The following ZDHHC20 variants were observed in gnomAD, a reference collection of about 807,000 sequenced individuals.
The protein encoded by ZDHHC20 is palmitoyltransferase ZDHHC20.
ZDHHC20 carries 43 observed loss-of-function variants against 57.8 expected under a neutral mutation model. That is an observed-to-expected ratio of 0.74 (90% CI 0.58 to 0.96). ZDHHC20 has a LOEUF of 0.96. ZDHHC20 is among the 40% of genes least tolerant of loss of function. The probability of loss-of-function intolerance (pLI) is 0.00; values close to 1 mark genes in which losing one functional copy is unlikely to be tolerated. For synonymous variants in ZDHHC20, 157 were observed against 153.0 expected, an observed-to-expected ratio of 1.03 and a Z score of -0.19; for missense variants, 391 against 441.1, an observed-to-expected ratio of 0.89 and a Z score of 1.02.
At chr13:21,391,541 G>C (rs1008883216) in intron 8 of ZDHHC20, among the ~76,000 whole-genome samples, 181 bp downstream of exon 8, 1 of 151,748 alleles carries the variant, frequency 6.6e-6, no homozygotes, top group African/African-American at 2.4e-5. Flanking sequence ...TGTCCTCCAG[G>C]GCTCAGGGGA....
At chr13:21,442,071 T>C (rs1355924430) in intron 1 of ZDHHC20, among the ~76,000 whole-genome samples, 4 of 152,244 alleles carry the variant, frequency 2.6e-5, no homozygotes, top group Non-Finnish European at 5.9e-5. Flanking sequence ...TTACGTTGTT[T>C]ACGTTATGTA....
At chr13:21,434,500 A>C (rs1193068656) in intron 1 of ZDHHC20, among the ~76,000 whole-genome samples, 1 of 152,234 alleles carries the variant, frequency 6.6e-6, no homozygotes, top group Non-Finnish European at 1.5e-5. Context: ...ACAAGAAAAT[A>C]AATATTTAAT....
At chr13:21,385,714 G>A (rs1874346301) in intron 9 of ZDHHC20, among the ~76,000 whole-genome samples, 1 of 152,170 alleles carries the variant, frequency 6.6e-6, no homozygotes, top group Non-Finnish European at 1.5e-5. Flanking sequence ...AGACGTAACT[G>A]ATGAAAATTA....
At chr13:21,443,261 A>C (rs769658046) in intron 1 of ZDHHC20, among the ~76,000 whole-genome samples, 1 of 152,276 alleles carries the variant, frequency 6.6e-6, no homozygotes, top group South Asian at 2.1e-4. Context: ...TCAAGTCATA[A>C]ACACTTTTCC....
intron 8 of ZDHHC20, among the ~76,000 whole-genome samples, chr13:21,390,027 G>T (rs1414577876): frequency 2.0e-5 from 3 of 152,220 alleles, no homozygotes; most frequent in African/African-American, 7.2e-5. Flanking sequence ...ATGAAAGCAT[G>T]ATGGAACTGG....
chr13:21,413,798 A>AT, intron 3 of ZDHHC20, 26 bp from the exon 4 acceptor site: 4 of 1,580,288 alleles, frequency 2.5e-6, no homozygotes, highest in East Asian at 2.2e-5. Flanking sequence ...GGACTATTAA[A>AT]TTTTTTTAAT....
At chr13:21,376,859 A>G in intron 12 of ZDHHC20, 1 of 338,536 alleles carries the variant, frequency 3.0e-6, no homozygotes. Context: ...GAAGCAATCA[A>G]AAGAGTATTT....
At chr13:21,445,090 CATGTATGTTTTAT>C (rs1883549228) in intron 1 of ZDHHC20, among the ~76,000 whole-genome samples, 2 of 151,712 alleles carry the variant, frequency 1.3e-5, no homozygotes, top group Admixed American at 6.6e-5. Flanking sequence ...ACATGTTTTA[CATGTATGTTTTAT>C]ATATTTATAT....
intron 4 of ZDHHC20, among the ~76,000 whole-genome samples, chr13:21,408,584 C>CT (rs1196653719): frequency 6.6e-6 from 1 of 152,162 alleles, no homozygotes; most frequent in Non-Finnish European, 1.5e-5. Flanking sequence ...TCCTCTCTTC[C>CT]TATTTGAATA....
At chr13:21,435,463 C>G (rs1882445798) in intron 1 of ZDHHC20, among the ~76,000 whole-genome samples, 2 of 152,110 alleles carry the variant, frequency 1.3e-5, no homozygotes, top group African/African-American at 2.4e-5. Context: ...AAGGACACAT[C>G]AAAGCACACA....
At chr13:21,407,314 A>T (rs2137827438) in intron 4 of ZDHHC20, among the ~76,000 whole-genome samples, 1 of 152,158 alleles carries the variant, frequency 6.6e-6, no homozygotes, top group South Asian at 2.1e-4. Flanking sequence ...CTTTTTAATG[A>T]TCGCCATTCT....
intron 9 of ZDHHC20, 56 bp from the exon 10 acceptor site, chr13:21,383,065 C>A: frequency 7.8e-6 from 11 of 1,408,240 alleles, no homozygotes; most frequent in South Asian, 6.2e-5. Flanking sequence ...TCAAAATGGT[C>A]AAATTTAACA....
intron 1 of ZDHHC20, 23 bp downstream of exon 1, chr13:21,459,031 C>T (rs779856717): frequency 8.3e-6 from 13 of 1,562,978 alleles, no homozygotes; most frequent in Non-Finnish European, 7.8e-6. Context: ...CGCCCCGCCG[C>T]AGTCCCCGGG....
At chr13:21,437,938 G>A (rs975248719) in intron 1 of ZDHHC20, among the ~76,000 whole-genome samples, 2 of 152,122 alleles carry the variant, frequency 1.3e-5, no homozygotes, top group African/African-American at 2.4e-5. Context: ...TGATCTGCCC[G>A]CCTCGGCCTC....
Position 21,431,318 on chromosome 13 carries a change from CTT to C in ZDHHC20, c.119-5642_119-5641del, listed in dbSNP as rs554974682. On this transcript the variant is annotated intron_variant, in intron 1 of 12. Coordinates refer to ENST00000400590, the MANE Select transcript of ZDHHC20 (RefSeq NM_001330059.2). Reference sequence around the variant, plus strand: ...CCCCTGATAAAACCATCAGATCTCTCTTGAGACTCATTCACTACCACGAGAAC... The same window carrying C: ...CCCCTGATAAAACCATCAGATCTCTCGAGACTCATTCACTACCACGAGAAC... Among the ~76,000 whole-genome samples the C allele has an allele frequency of 3.9e-3, 587 of 152,248 alleles. 1 individual carries two copies. Among genetic ancestry groups the C allele is most frequent in the African/African-American group, 0.014 (567 of 41,534 alleles).
At chr13:21,382,755 C>T (rs893162474) in intron 10 of ZDHHC20, among the ~76,000 whole-genome samples, 165 bp downstream of exon 10, 1 of 152,098 alleles carries the variant, frequency 6.6e-6, no homozygotes, top group Non-Finnish European at 1.5e-5. Context: ...GTTATTAGCA[C>T]ATATACTTTT....
At chr13:21,436,575 G>A (rs1696385625) in intron 1 of ZDHHC20, among the ~76,000 whole-genome samples, 2 of 152,182 alleles carry the variant, frequency 1.3e-5, no homozygotes, top group Admixed American at 1.3e-4. Context: ...ACCACCAACT[G>A]CATCCATATA....
At chr13:21,451,927 G>A (rs1291636932) in intron 1 of ZDHHC20, among the ~76,000 whole-genome samples, 1 of 151,350 alleles carries the variant, frequency 6.6e-6, no homozygotes, top group Non-Finnish European at 1.5e-5. Context: ...TCAGGAGGCG[G>A]AGGTTGCAAT....
In ZDHHC20 at chr13:21,375,193, C is replaced by A. The variant is rs928463775; in HGVS notation, c.*1503G>T. ...AGTGATTTTGCAAAATTAGGCATCA[C>A]AGAATGTTAGAAGTCATCCAGTCCA... On this transcript the variant is annotated 3_prime_UTR_variant, in exon 13 of 13. Coordinates refer to ENST00000400590, the MANE Select transcript of ZDHHC20 (RefSeq NM_001330059.2). 2.0e-5 allele frequency: 9 copies of A among 456,408 alleles called. No homozygotes were observed. Among genetic ancestry groups the A allele is most frequent in the African/African-American group, 1.4e-4 (7 of 50,044 alleles). 28.3% of individuals were successfully genotyped at this position (456,408 alleles called of 1,614,324 possible).
Sources: gnomAD v4.1 joint callset for allele counts (sites outside exome capture counted in the v4.1 genomes callset) on GRCh38, gnomAD v4.1.1 for gene constraint, MANE v1.5 for transcripts, NCBI Gene and HGNC (gene_info 2026-07-23, HGNC 2026-07-21) for gene names.